Variants in CLN6 observed in about 807,000 individuals in gnomAD.
CLN6 encodes ceroid-lipofuscinosis neuronal protein 6.
A neutral mutation model predicts 33.3 loss-of-function variants in CLN6; 22 were observed. The observed-to-expected ratio is 0.66, with a 90% CI of 0.47 to 0.94. CLN6 has a LOEUF of 0.94. CLN6 is among the 40% of genes least tolerant of loss of function. The pLI is 0.00. For missense variants in CLN6, 387 were observed against 417.1 expected, an observed-to-expected ratio of 0.93 and a Z score of 0.63; for synonymous variants, 201 against 174.6, an observed-to-expected ratio of 1.15 and a Z score of -1.19.
intron 1 of CLN6, among the ~76,000 whole-genome samples, chr15:68,222,908 A>C (rs1355371181): frequency 6.6e-6 from 1 of 152,164 alleles, no homozygotes; most frequent in African/African-American, 2.4e-5. Context: ...GTGCTTTGTT[A>C]AACAGATGCT....
At position 68,246,132 on chromosome 15, in the gene CLN6, C is replaced by G. The variant is rs1459430180; in HGVS notation, c.179+10558G>C. Among the ~76,000 whole-genome samples, 1 of 152,092 alleles carries G rather than the reference C, an allele frequency of 6.6e-6. No homozygotes were observed. Reference sequence around the variant, plus strand: ...TACAATACAGTAGGGGACTTCAACACCCCACTTTTCAGTAATAAACAGATC... The same window carrying G: ...TACAATACAGTAGGGGACTTCAACAGCCCACTTTTCAGTAATAAACAGATC... On this transcript the variant is annotated intron_variant, in intron 1 of 6. Coordinates refer to the CLN6 transcript ENST00000538696. The surrounding 1 kb of genome is among the most constrained non-coding windows in gnomAD (Gnocchi z 4.5).
rs570071968 is a variant in CLN6 at position 68,210,767 on chromosome 15, G to C, written c.542+496C>G. On this transcript the variant is annotated intron_variant, in intron 5 of 6. Coordinates refer to ENST00000249806, the MANE Select transcript of CLN6 (RefSeq NM_017882.3). The surrounding 1 kb of genome is among the most constrained non-coding windows in gnomAD (Gnocchi z 5.6). ...CCCTCTGGGAGTTCTGAAGAGGGGG[G>C]AGCGCAAACAGCACGCCCCTCCCCA... is the stretch of plus-strand genomic sequence containing the variant. Among the ~76,000 whole-genome samples, 22 of 152,252 alleles carry C rather than the reference G, an allele frequency of 1.4e-4. No homozygotes were observed. Among genetic ancestry groups the C allele is most frequent in the African/African-American group, 5.1e-4 (21 of 41,554 alleles).
At position 68,256,375 on chromosome 15, in the gene CLN6, CTAGG is replaced by C; in HGVS notation, c.179+311_179+314del. 6.6e-6 allele frequency among the ~76,000 whole-genome samples: 1 copy of C among 152,178 alleles called. No homozygotes were observed. The highest frequency in any genetic ancestry group is 2.1e-4 in the South Asian group (1 of 4,830). ...CCGCCTGCCTCTGCCTCCCAAAGTGCTAGGATTACAGGTGTGAGCCACCATGCCC... is the reference window on the plus strand; with the variant it reads ...CCGCCTGCCTCTGCCTCCCAAAGTGCATTACAGGTGTGAGCCACCATGCCC... On this transcript the variant is annotated intron_variant, in intron 1 of 6. Coordinates refer to the CLN6 transcript ENST00000538696. The surrounding 1 kb of genome is among the most constrained non-coding windows in gnomAD (Gnocchi z 4.1).
At chr15:68,251,367 G>A (rs950305437) in intron 1 of CLN6, among the ~76,000 whole-genome samples, 3 of 152,072 alleles carry the variant, frequency 2.0e-5, no homozygotes, top group African/African-American at 7.2e-5. Context: ...TGTAAACATT[G>A]TTCCATTAAG....
Position 68,227,645 on chromosome 15 carries a change from C to T in CLN6, c.83+1857G>A, listed in dbSNP as rs540177887. ...GGGGAAGAGGGACATGACTCCTTAG[C>T]AGCCAAAGTGGAGTCGTAAGAGCAG... is the stretch of plus-strand genomic sequence containing the variant. On this transcript the variant is annotated intron_variant, in intron 1 of 6. Transcript: ENST00000249806. This position sits in a 1 kb window ranked among gnomAD's most constrained non-coding sequence, Gnocchi z 4.1. 5.6e-4 allele frequency among the ~76,000 whole-genome samples: 85 copies of T among 152,314 alleles called. 1 individual carries two copies. The highest frequency in any genetic ancestry group is 8.2e-4 in the Non-Finnish European group (56 of 68,020).
chr15:68,248,218 A>G (rs1226623503), intron 1 of CLN6: 1 of 151,804 alleles, frequency 6.6e-6, no homozygotes, highest in Non-Finnish European at 1.5e-5. Flanking sequence ...AAATGTGCCA[A>G]GAATATACAA....
At chr15:68,229,768 G>GCGGAGCGGAGGGAGGCGGGT, upstream of CLN6, 1 of 290,158 alleles carries the variant, frequency 3.4e-6, no homozygotes, top group South Asian at 1.4e-4. Context: ...GCGGAGCGGA[G>GCGGAGCGGAGGGAGGCGGGT]CGGAGCGGAG....
chr15:68,208,654 A>C lies in CLN6; in HGVS notation c.666-244T>G, dbSNP rs958877403. ...TATTTAAATAACAGAATACCTACAA[A>C]TGTATATTTCTGGCTTCTCTGGTCA... is the stretch of plus-strand genomic sequence containing the variant. On this transcript the variant is annotated intron_variant, in intron 6 of 6. Coordinates refer to ENST00000249806, the MANE Select transcript of CLN6 (RefSeq NM_017882.3). The surrounding 1 kb of genome is among the most constrained non-coding windows in gnomAD (Gnocchi z 5.8). Among the ~76,000 whole-genome samples the C allele has an allele frequency of 6.6e-6, 1 of 152,236 alleles. No homozygotes were observed.
intron 1 of CLN6, among the ~76,000 whole-genome samples, chr15:68,221,685 C>T (rs1002954977): frequency 9.9e-5 from 15 of 152,148 alleles, no homozygotes; most frequent in Admixed American, 2.6e-4. Flanking sequence ...CTCTGCCTGG[C>T]CGCCCATCGT....
At chr15:68,225,269 G>T (rs1244165963) in intron 1 of CLN6, among the ~76,000 whole-genome samples, 1 of 152,106 alleles carries the variant, frequency 6.6e-6, no homozygotes, top group African/African-American at 2.4e-5. Flanking sequence ...TGGCTCTGTT[G>T]GAACAATATT....
In CLN6 at chr15:68,236,984, C is replaced by T. The variant is rs1365435975; in HGVS notation, c.180-18334G>A. On this transcript the variant is annotated intron_variant, in intron 1 of 6. Transcript: ENST00000538696. This position sits in a 1 kb window ranked among gnomAD's most constrained non-coding sequence, Gnocchi z 4.5. ...CATCCTGGCTAACAAGGTGAAACCC[C>T]GTCTCTACTAAAAATACAAAAAATT... is the stretch of plus-strand genomic sequence containing the variant. 4.0e-5 allele frequency among the ~76,000 whole-genome samples: 6 copies of T among 150,332 alleles called. No individual in the cohort carries two copies. The highest frequency in any genetic ancestry group is 6.6e-5 in the Admixed American group (1 of 15,106).
Position 68,242,634 on chromosome 15 carries a change from G to A in CLN6, c.179+14056C>T, listed in dbSNP as rs567444255. ...TAGAAACTAATGCCTTTTTGTTCAC[G>A]TGACTTTAGTAACCTTTTGGAAATA... is the stretch of plus-strand genomic sequence containing the variant. On this transcript the variant is annotated intron_variant, in intron 1 of 6. Transcript: ENST00000538696. This position sits in a 1 kb window ranked among gnomAD's most constrained non-coding sequence, Gnocchi z 5.0. 3.3e-5 allele frequency among the ~76,000 whole-genome samples: 5 copies of A among 152,160 alleles called. No individual in the cohort carries two copies. The highest frequency in any genetic ancestry group is 2.1e-4 in the South Asian group (1 of 4,816).
At chr15:68,244,978 C>G (rs1258297609) in intron 1 of CLN6, among the ~76,000 whole-genome samples, 1 of 128,574 alleles carries the variant, frequency 7.8e-6, no homozygotes, top group African/African-American at 3.1e-5. Context: ...CACTGGGTTG[C>G]AAGGAGCTAT....
intron 1 of CLN6, among the ~76,000 whole-genome samples, chr15:68,243,242 G>C (rs138806997): frequency 1.3e-5 from 2 of 152,326 alleles, no homozygotes; most frequent in Non-Finnish European, 2.9e-5. Context: ...AGTTGGCTAA[G>C]ATTTAAAAGG....
At position 68,209,953 on chromosome 15, in the gene CLN6, G is replaced by A. The variant is rs1351828668; in HGVS notation, c.543-194C>T. Among the ~76,000 whole-genome samples the A allele has an allele frequency of 6.6e-6, 1 of 152,130 alleles. No individual in the cohort carries two copies. Among genetic ancestry groups the A allele is most frequent in the African/African-American group, 2.4e-5 (1 of 41,420 alleles). ...AAAGGTGGGACAGAAACAGAAACAGGAAGGCAACGCACGTGTGAGTCAGAG... is the reference window on the plus strand; with the variant it reads ...AAAGGTGGGACAGAAACAGAAACAGAAAGGCAACGCACGTGTGAGTCAGAG... On this transcript the variant is annotated intron_variant, in intron 5 of 6. Transcript: ENST00000249806. The surrounding 1 kb of genome is among the most constrained non-coding windows in gnomAD (Gnocchi z 4.9).
intron 2 of CLN6, chr15:68,215,378 G>A (rs1362089191): frequency 6.6e-6 from 1 of 152,182 alleles, no homozygotes; most frequent in Non-Finnish European, 1.5e-5. Context: ...GAAATAGGCT[G>A]ACTCTTCAAT....
intron 2 of CLN6, 21 bp downstream of exon 2, chr15:68,218,515 T>G: frequency 6.4e-7 from 1 of 1,552,334 alleles, no homozygotes; most frequent in African/African-American, 1.4e-5. Context: ...GTCAGAGCCC[T>G]GTGCACCATT....
intron 1 of CLN6, among the ~76,000 whole-genome samples, chr15:68,235,337 G>A (rs1409715305): frequency 6.6e-6 from 1 of 152,116 alleles, no homozygotes; most frequent in African/African-American, 2.4e-5. Context: ...CATGGAGGCT[G>A]GAGGGAGGTC....
At chr15:68,212,525 G>C (rs1440752974) in intron 3 of CLN6, 1 of 153,106 alleles carries the variant, frequency 6.5e-6, no homozygotes, top group Non-Finnish European at 1.5e-5. Context: ...GAATGCATAT[G>C]CAAGTCTAAA....
Sources: allele counts gnomAD v4.1 joint callset (sites outside exome capture counted in the v4.1 genomes callset), GRCh38; gene constraint gnomAD v4.1.1; non-coding constraint Gnocchi (gnomAD v3.1); transcripts MANE v1.5; gene names NCBI Gene and HGNC (gene_info 2026-07-23, HGNC 2026-07-21).